PLD1: variants seen among roughly 807,000 people sequenced by gnomAD.
PLD1 encodes the protein phospholipase D1.
Under a neutral mutation model 137.1 loss-of-function variants are expected in PLD1, and 112 were observed. The ratio of observed to expected loss-of-function variants is 0.82; its 90% CI spans 0.70 to 0.96. PLD1 has a LOEUF of 0.96. Among genes scored for constraint, PLD1 ranks in the 40% least tolerant of loss-of-function variants. The probability of loss-of-function intolerance (pLI) is 0.00; values close to 1 mark genes in which losing one functional copy is unlikely to be tolerated. For missense variants in PLD1, 1,321 were observed against 1,342.0 expected, an observed-to-expected ratio of 0.98 and a Z score of 0.24; for synonymous variants, 431 against 454.7, an observed-to-expected ratio of 0.95 and a Z score of 0.66.
intron 1 of PLD1, among the ~76,000 whole-genome samples, chr3:171,760,327 A>C (rs1337102619): frequency 6.6e-6 from 1 of 152,164 alleles, no homozygotes; most frequent in African/African-American, 2.4e-5. Context: ...CCCTGCCTTC[A>C]TCTAGTGATA....
chr3:171,801,877 G>A (rs916936311), intron 1 of PLD1, among the ~76,000 whole-genome samples: 2 of 152,146 alleles, frequency 1.3e-5, no homozygotes, highest in African/African-American at 4.8e-5. Flanking sequence ...ATGTTTAATC[G>A]ATCCATTCTA....
At chr3:171,772,368 A>G (rs1455747861) in intron 1 of PLD1, among the ~76,000 whole-genome samples, 3 of 152,244 alleles carry the variant, frequency 2.0e-5, no homozygotes, top group Non-Finnish European at 4.4e-5. Flanking sequence ...ACCTGTTGCC[A>G]AACTGATTTA....
chr3:171,707,061 C>G (rs1469207235), intron 11 of PLD1, among the ~76,000 whole-genome samples: 1 of 152,138 alleles, frequency 6.6e-6, no homozygotes, highest in Non-Finnish European at 1.5e-5. Context: ...AAAACTAACA[C>G]AGGAACAAAA....
At chr3:171,666,959 C>T (rs897149642) in intron 19 of PLD1, among the ~76,000 whole-genome samples, 9 of 152,098 alleles carry the variant, frequency 5.9e-5, no homozygotes, top group African/African-American at 2.2e-4. Context: ...TCCTATGGGC[C>T]CAAGTCAAAT....
Position 171,630,845 on chromosome 3 carries a change from C to T in PLD1, c.2594-10325G>A, listed in dbSNP as rs552497232. Among the ~76,000 whole-genome samples, 784 of 127,082 alleles carry T rather than the reference C, an allele frequency of 6.2e-3. 6 individuals are homozygous for T. Among genetic ancestry groups the T allele is most frequent in the African/African-American group, 0.023 (755 of 32,382 alleles). The allele number at this position is 127,082 out of a possible 152,430, so 83.4% of individuals were successfully genotyped here. On this transcript the variant is annotated intron_variant, in intron 23 of 26. Transcript: ENST00000351298. ...CACACGGACACAGGAAGGGGAACAT[C>T]ACACTCTGGGGACTGTTGTGGGGTG...
chr3:171,679,253 G>A (rs1372607683), intron 16 of PLD1, among the ~76,000 whole-genome samples: 1 of 152,140 alleles, frequency 6.6e-6, no homozygotes, highest in African/African-American at 2.4e-5. Context: ...ATCTCAAACT[G>A]AATCATTAAC....
At chr3:171,630,718 C>T (rs1266512477) in intron 23 of PLD1, among the ~76,000 whole-genome samples, 1 of 147,212 alleles carries the variant, frequency 6.8e-6, no homozygotes, top group Non-Finnish European at 1.5e-5. Flanking sequence ...TTTGTAGGGA[C>T]ATGGATGAAA....
chr3:171,625,712 A>G (rs1734044174), intron 23 of PLD1, among the ~76,000 whole-genome samples: 1 of 152,214 alleles, frequency 6.6e-6, no homozygotes, highest in South Asian at 2.1e-4. Context: ...ACTGTTCTGC[A>G]GCCACCGCTG....
In PLD1 at chr3:171,674,592, AC is replaced by A. The variant is rs1287041174; in HGVS notation, c.2136del (p.Ser713ProfsTer18). The A allele has an allele frequency of 6.3e-7, 1 of 1,589,476 alleles. No homozygotes were observed. The highest frequency in any genetic ancestry group is 2.2e-5 in the East Asian group (1 of 44,724). On this transcript the variant is annotated frameshift_variant, in exon 19 of 27. Coordinates refer to ENST00000351298, the MANE Select transcript of PLD1 (RefSeq NM_002662.5). LOFTEE classifies it high-confidence loss of function. The part of the protein sequence containing the change: ...NFTKIMKSKY[R>X]SLSYPFLLPK... ...GGAAGCAGAAAAGGATAAGAAAGGG[AC>A]CGATATTTTGATTTCATAATCTAAA...
At chr3:171,749,679 C>T (rs1720516460) in intron 1 of PLD1, among the ~76,000 whole-genome samples, 1 of 152,108 alleles carries the variant, frequency 6.6e-6, no homozygotes. Flanking sequence ...GTGACTAAAA[C>T]TCGGATAGAA....
chr3:171,619,050 C>CT (rs976613656), intron 24 of PLD1, among the ~76,000 whole-genome samples: 37 of 152,236 alleles, frequency 2.4e-4, no homozygotes, highest in African/African-American at 8.7e-4. Context: ...TTTCAAAACA[C>CT]TCCATGACAT....
chr3:171,733,779 G>A (rs553920877), intron 5 of PLD1, among the ~76,000 whole-genome samples: 65 of 152,136 alleles, frequency 4.3e-4, no homozygotes, highest in African/African-American at 1.5e-3. Context: ...CCTATTATAT[G>A]TATATAGCTA....
At chr3:171,743,626 C>T (rs957441817) in intron 1 of PLD1, among the ~76,000 whole-genome samples, 1 of 152,178 alleles carries the variant, frequency 6.6e-6, no homozygotes, top group Admixed American at 6.5e-5. Flanking sequence ...GCATCCTTTG[C>T]AACTTTGATG....
intron 1 of PLD1, among the ~76,000 whole-genome samples, chr3:171,764,725 C>T (rs1046442685): frequency 6.6e-5 from 10 of 151,318 alleles, no homozygotes; most frequent in Middle Eastern, 3.4e-3. Context: ...TTTGTCTACA[C>T]GGTCTTTGAA....
chr3:171,717,049 CT>C (rs994046394), intron 8 of PLD1, among the ~76,000 whole-genome samples: 1 of 152,092 alleles, frequency 6.6e-6, no homozygotes, highest in African/African-American at 2.4e-5. Context: ...CTCTATAATT[CT>C]GTTCCATTGG....
At chr3:171,787,112 G>A (rs1244458090) in intron 1 of PLD1, among the ~76,000 whole-genome samples, 2 of 152,102 alleles carry the variant, frequency 1.3e-5, no homozygotes, top group Non-Finnish European at 2.9e-5. Flanking sequence ...AACCAAACAT[G>A]GTCCCTGCCC....
At chr3:171,740,295 T>C (rs1388462621) in intron 1 of PLD1, among the ~76,000 whole-genome samples, 1 of 152,208 alleles carries the variant, frequency 6.6e-6, no homozygotes, top group Non-Finnish European at 1.5e-5. Context: ...TGAGGAGCCA[T>C]TGCCCTTGGT....
intron 23 of PLD1, among the ~76,000 whole-genome samples, chr3:171,642,491 G>A (rs1018471698): frequency 4.3e-4 from 62 of 143,690 alleles, no homozygotes; most frequent in Non-Finnish European, 8.0e-4. Context: ...AGACGTCTGC[G>A]AAAGTGTCTT....
At chr3:171,661,876 C>T (rs1711536140) in intron 20 of PLD1, among the ~76,000 whole-genome samples, 184 bp downstream of exon 20, 1 of 152,116 alleles carries the variant, frequency 6.6e-6, no homozygotes, top group Admixed American at 6.6e-5. Context: ...CAATGCAGAG[C>T]CAGTTCCAGG....
Sources: allele counts gnomAD v4.1 joint callset (sites outside exome capture counted in the v4.1 genomes callset), GRCh38; gene constraint gnomAD v4.1.1; transcripts MANE v1.5; gene names NCBI Gene and HGNC (gene_info 2026-07-23, HGNC 2026-07-21).